The following THSD7B variants were observed in gnomAD, a reference collection of about 807,000 sequenced individuals.
THSD7B encodes thrombospondin type 1 domain containing 7B, also known as thrombospondin type-1 domain-containing protein 7B.
In THSD7B, 138 loss-of-function variants were observed where a neutral mutation model predicts 213.6. The observed-to-expected ratio is 0.65, with a 90% CI of 0.56 to 0.74. The LOEUF is 0.74. THSD7B is among the 30% of genes least tolerant of loss of function. The pLI, the probability that THSD7B is intolerant of heterozygous loss-of-function variation, is 0.00. For missense variants in THSD7B, 1,931 were observed against 1,991.5 expected, an observed-to-expected ratio of 0.97 and a Z score of 0.58; for synonymous variants, 742 against 687.0, an observed-to-expected ratio of 1.08 and a Z score of -1.25.
chr2:137,278,137 T>A (rs1334114902), intron 12 of THSD7B, among the ~76,000 whole-genome samples: 1 of 151,930 alleles, frequency 6.6e-6, no homozygotes, highest in Non-Finnish European at 1.5e-5. Flanking sequence ...AGTTGAAGGA[T>A]AGAGAAATGA....
intron 2 of THSD7B, among the ~76,000 whole-genome samples, chr2:136,988,433 A>G (rs565706010): frequency 6.6e-6 from 1 of 152,368 alleles, no homozygotes; most frequent in Non-Finnish European, 1.5e-5. Flanking sequence ...GAGAGAGTTG[A>G]TAAATGTGTT....
intron 7 of THSD7B, among the ~76,000 whole-genome samples, chr2:137,215,942 G>GTTTCAATATTTTA (rs1244219822): frequency 6.6e-6 from 1 of 152,076 alleles, no homozygotes; most frequent in Non-Finnish European, 1.5e-5. Flanking sequence ...CAGTGTCAAT[G>GTTTCAATATTTTA]TTTCAATATT....
At chr2:137,389,451 C>T (rs1685970570) in intron 12 of THSD7B, among the ~76,000 whole-genome samples, 2 of 58,676 alleles carry the variant, frequency 3.4e-5, no homozygotes, top group Non-Finnish European at 6.3e-5. Flanking sequence ...GTTTGAGTTC[C>T]TTCTATATTC....
intron 2 of THSD7B, among the ~76,000 whole-genome samples, chr2:137,009,858 A>G (rs544656786): frequency 1.8e-4 from 28 of 152,356 alleles, no homozygotes; most frequent in Middle Eastern, 3.4e-3. Context: ...CACATTGCCA[A>G]TGTTCCCAGA....
At chr2:136,868,067 T>G (rs1322424907) in intron 1 of THSD7B, among the ~76,000 whole-genome samples, 1 of 151,942 alleles carries the variant, frequency 6.6e-6, no homozygotes, top group Non-Finnish European at 1.5e-5. Flanking sequence ...CAGGCTCTAT[T>G]GGTCTGTTTA....
At chr2:137,629,397 A>G (rs1387440388) in intron 20 of THSD7B, among the ~76,000 whole-genome samples, 1 of 152,186 alleles carries the variant, frequency 6.6e-6, no homozygotes, top group East Asian at 1.9e-4. Flanking sequence ...TATGAATAAG[A>G]CCCCAAATCA....
intron 5 of THSD7B, among the ~76,000 whole-genome samples, chr2:137,119,512 A>G (rs896067488): frequency 1.7e-4 from 26 of 152,210 alleles, no homozygotes; most frequent in Non-Finnish European, 1.5e-5. Flanking sequence ...TGGAGAGTCC[A>G]TAAGCATGTT....
At chr2:137,559,808 C>G (rs977483370) in intron 15 of THSD7B, among the ~76,000 whole-genome samples, 12 of 152,180 alleles carry the variant, frequency 7.9e-5, no homozygotes, top group Admixed American at 4.6e-4. Context: ...TTTTTGCAAT[C>G]TACTCATCTG....
intron 2 of THSD7B, among the ~76,000 whole-genome samples, chr2:136,996,091 C>A (rs1409599186): frequency 2.0e-5 from 3 of 152,150 alleles, no homozygotes; most frequent in African/African-American, 7.2e-5. Flanking sequence ...GTGTTATTTG[C>A]AGTTATGCTG....
At chr2:136,897,631 G>T (rs869208789) in intron 2 of THSD7B, among the ~76,000 whole-genome samples, 4 of 152,122 alleles carry the variant, frequency 2.6e-5, no homozygotes, top group African/African-American at 7.2e-5. Flanking sequence ...TTGCCGCTGC[G>T]GGCTCAGGTG....
At position 137,560,114 on chromosome 2, in the gene THSD7B, G is replaced by A. The variant is rs192542660; in HGVS notation, c.3139-3107G>A. 3.7e-3 allele frequency among the ~76,000 whole-genome samples: 456 copies of A among 122,504 alleles called. 1 individual carries two copies. The highest frequency in any genetic ancestry group is 0.019 in the African/African-American group (440 of 22,906). 80.4% of individuals were successfully genotyped at this position (122,504 alleles called of 152,430 possible). A position where few individuals can be genotyped will look rare whatever the true frequency, so the allele number is the denominator to read the frequency against. ...AGGAATACTTTTACACTGTTGGTGGGACTGTAAACTGGTTCAACCATTATG... is the reference window on the plus strand; with the variant it reads ...AGGAATACTTTTACACTGTTGGTGGAACTGTAAACTGGTTCAACCATTATG... On this transcript the variant is annotated intron_variant, in intron 15 of 27. Coordinates refer to ENST00000409968, the MANE Select transcript of THSD7B (RefSeq NM_001316349.2).
rs1683711832 is a variant in THSD7B at position 137,676,754 on chromosome 2, A to T, written c.*149A>T. The T allele has an allele frequency of 1.3e-5, 8 of 604,582 alleles. No individual in the cohort carries two copies. In the South Asian group the frequency reaches 2.7e-4, roughly 21 times the overall value. 37.5% of individuals were successfully genotyped at this position (604,582 alleles called of 1,614,324 possible). A position where few individuals can be genotyped will look rare whatever the true frequency, so the allele number is the denominator to read the frequency against. On this transcript the variant is annotated 3_prime_UTR_variant, in exon 28 of 28. Coordinates refer to ENST00000409968, the MANE Select transcript of THSD7B (RefSeq NM_001316349.2). ...GCAAAAGTAATATTGCCTCAACTTC[A>T]TTTGGACATGGAGTCAAGGATTATT...
rs72847178 is a variant in THSD7B, at chr2:137,411,527, G to C, written c.2696-82G>C. The C allele has an allele frequency of 5.8e-4, 766 of 1,311,918 alleles. 2 individuals carry two copies. The highest frequency in any genetic ancestry group is 3.9e-4 in the Non-Finnish European group (370 of 951,142). The allele number at this position is 1,311,918 out of a possible 1,614,324, so 81.3% of individuals were successfully genotyped here. On this transcript the variant is annotated intron_variant, in intron 13 of 27. Coordinates refer to ENST00000409968, the MANE Select transcript of THSD7B (RefSeq NM_001316349.2). ...CTTTATTTTATTTAATATTCTAAAA[G>C]ATTACAAATACAAAAGTGTGAGTGA... is the stretch of plus-strand genomic sequence containing the variant.
Position 136,923,259 on chromosome 2 carries a change from G to A in THSD7B, c.139+40942G>A, listed in dbSNP as rs1684465328. 2.0e-5 allele frequency among the ~76,000 whole-genome samples: 3 copies of A among 152,222 alleles called. No individual in the cohort carries two copies. In the East Asian group the frequency reaches 5.8e-4, roughly 29 times the overall value. On this transcript the variant is annotated intron_variant, in intron 2 of 27. Transcript: ENST00000409968. Reference sequence around the variant, plus strand: ...TTTCTCCACAAGTTTCATCTATGTTGTAGTAGTATGTAACAGAATTTCCTT... The same window carrying A: ...TTTCTCCACAAGTTTCATCTATGTTATAGTAGTATGTAACAGAATTTCCTT...
chr2:137,611,847 T>G (rs1010535248), intron 17 of THSD7B, among the ~76,000 whole-genome samples: 1 of 152,184 alleles, frequency 6.6e-6, no homozygotes, highest in Admixed American at 6.5e-5. Context: ...AGCGTAATTG[T>G]AAGTCTTTTG....
At chr2:137,140,404 T>C (rs1449430548) in intron 5 of THSD7B, among the ~76,000 whole-genome samples, 2 of 152,196 alleles carry the variant, frequency 1.3e-5, no homozygotes, top group Admixed American at 1.3e-4. Flanking sequence ...AACGTCTTTC[T>C]ATGCCTTTGT....
At chr2:137,180,890 C>T (rs960593917) in intron 7 of THSD7B, among the ~76,000 whole-genome samples, 1 of 152,154 alleles carries the variant, frequency 6.6e-6, no homozygotes, top group Non-Finnish European at 1.5e-5. Flanking sequence ...CTCAATGCAG[C>T]ATTAGAGGCA....
chr2:136,840,557 CCT>C (rs916087362), intron 1 of THSD7B, among the ~76,000 whole-genome samples: 3 of 152,036 alleles, frequency 2.0e-5, no homozygotes, highest in Non-Finnish European at 4.4e-5. Context: ...TCTAAAATCA[CCT>C]CTGTGTTTGG....
chr2:137,099,498 C>A (rs995142527), intron 4 of THSD7B, among the ~76,000 whole-genome samples: 1 of 152,142 alleles, frequency 6.6e-6, no homozygotes, highest in Non-Finnish European at 1.5e-5. Context: ...AGATCTCTTG[C>A]GCTTTAATAG....
Sources: allele counts gnomAD v4.1 joint callset (sites outside exome capture counted in the v4.1 genomes callset), GRCh38; gene constraint gnomAD v4.1.1; transcripts MANE v1.5; gene names NCBI Gene and HGNC (gene_info 2026-07-23, HGNC 2026-07-21).